Variants in CADPS observed in about 807,000 individuals in gnomAD.
CADPS encodes the protein calcium dependent secretion activator, also known as calcium-dependent secretion activator 1.
CADPS carries 57 observed loss-of-function variants against 167.3 expected under a neutral mutation model. That is an observed-to-expected ratio of 0.34 (90% CI 0.28 to 0.42). The LOEUF (loss-of-function observed/expected upper bound fraction) is 0.42, where lower values mean the gene tolerates loss of function less well. Ranked by LOEUF, CADPS falls within the 20% of genes least tolerant of loss-of-function variation. The pLI, the probability that CADPS is intolerant of heterozygous loss-of-function variation, is 1.00. For synonymous variants in CADPS, 676 were observed against 635.3 expected (o/e 1.06, Z -0.96); for missense variants, 1,414 against 1,738.1 (o/e 0.81, Z 3.32).
intron 16 of CADPS, chr3:62,513,608 C>G (rs747913447): frequency 7.2e-7 from 1 of 1,390,810 alleles, no homozygotes; most frequent in East Asian, 2.4e-5. Context: ...AGAGTGAAGA[C>G]AGCATGGTGA....
At chr3:62,437,929 G>T (rs1261023524) in intron 28 of CADPS, among the ~76,000 whole-genome samples, 175 bp downstream of exon 28, 1 of 152,172 alleles carries the variant, frequency 6.6e-6, no homozygotes, top group Non-Finnish European at 1.5e-5. Flanking sequence ...ACCAGAGTGG[G>T]TTCAGAACAG....
chr3:62,784,491 C>G (rs910718866), intron 1 of CADPS, among the ~76,000 whole-genome samples: 2 of 152,074 alleles, frequency 1.3e-5, no homozygotes, highest in Admixed American at 6.6e-5. Flanking sequence ...CAGATGTAGG[C>G]AATTGTCACT....
intron 21 of CADPS, among the ~76,000 whole-genome samples, chr3:62,485,135 A>T (rs547901514): frequency 6.7e-6 from 1 of 150,190 alleles, no homozygotes; most frequent in East Asian, 2.0e-4. Flanking sequence ...TATATATATA[A>T]AAAGAGTAAG....
intron 4 of CADPS, among the ~76,000 whole-genome samples, chr3:62,653,206 C>A (rs950506188): frequency 2.0e-5 from 3 of 152,048 alleles, no homozygotes; most frequent in Non-Finnish European, 1.5e-5. Flanking sequence ...GAAATCTAAC[C>A]CTCAATGTTA....
chr3:62,475,684 G>A (rs2061231185), intron 23 of CADPS, among the ~76,000 whole-genome samples: 1 of 150,198 alleles, frequency 6.7e-6, no homozygotes, highest in East Asian at 2.0e-4. Flanking sequence ...ATGTATCTTG[G>A]CTTCTGAAGA....
rs1360249101 is a variant in CADPS, at chr3:62,484,585, A to C, written c.3027-2716T>G. Among the ~76,000 whole-genome samples, 6 of 152,206 alleles carry C rather than the reference A, an allele frequency of 3.9e-5. No individual in the cohort carries two copies. The East Asian group carries it at 1.2e-3, about 29-fold the overall frequency. On this transcript the variant is annotated intron_variant, in intron 21 of 29. Transcript: ENST00000383710. The stretch of plus-strand genomic sequence containing the variant: ...CATTCATTTTGGGGACTCTTGAAAA[A>C]GAATAGCTTCCATTTAGGCCAAAGT...
intron 1 of CADPS, among the ~76,000 whole-genome samples, chr3:62,851,175 C>T (rs149909759): frequency 0.31 from 40,747 of 132,040 alleles, 7,449 homozygotes; most frequent in East Asian, 0.45. Context: ...TGTCTCTGCA[C>T]GTGAGATGGG....
intron 6 of CADPS, among the ~76,000 whole-genome samples, chr3:62,595,222 G>A (rs999975889): frequency 1.3e-5 from 2 of 152,102 alleles, no homozygotes; most frequent in African/African-American, 4.8e-5. Flanking sequence ...AACAGTCATA[G>A]TAGAGACAGA....
intron 3 of CADPS, among the ~76,000 whole-genome samples, chr3:62,676,617 T>C (rs2150931497): frequency 6.6e-6 from 1 of 152,288 alleles, no homozygotes; most frequent in South Asian, 2.1e-4. Flanking sequence ...GAGATTATTA[T>C]TGTCGGTGTT....
At chr3:62,763,702 G>C (rs1427961830) in intron 2 of CADPS, among the ~76,000 whole-genome samples, 1 of 152,116 alleles carries the variant, frequency 6.6e-6, no homozygotes, top group Non-Finnish European at 1.5e-5. Flanking sequence ...TGTTAACCCT[G>C]ATCTCCTGAT....
At chr3:62,441,039 C>T (rs2056222662) in intron 27 of CADPS, 1 of 152,106 alleles carries the variant, frequency 6.6e-6, no homozygotes, top group Non-Finnish European at 1.5e-5. Context: ...AGTAGATTTC[C>T]AATCAAAACA....
At chr3:62,659,271 C>T (rs189447707) in intron 4 of CADPS, among the ~76,000 whole-genome samples, 1 of 152,200 alleles carries the variant, frequency 6.6e-6, no homozygotes, top group Admixed American at 6.5e-5. Context: ...AGAAGATAAG[C>T]AGAGGTGATT....
intron 11 of CADPS, among the ~76,000 whole-genome samples, chr3:62,537,144 G>T (rs1245076061): frequency 4.6e-5 from 7 of 152,064 alleles, no homozygotes; most frequent in East Asian, 1.9e-4. Flanking sequence ...TAAAAAAAAC[G>T]ATTTTCATTG....
At chr3:62,577,519 C>G (rs914533873) in intron 8 of CADPS, among the ~76,000 whole-genome samples, 1 of 152,090 alleles carries the variant, frequency 6.6e-6, no homozygotes, top group Non-Finnish European at 1.5e-5. Flanking sequence ...GGTACCTCAG[C>G]TATCTTATAG....
chr3:62,445,715 A>T, intron 27 of CADPS, 50 bp downstream of exon 27: 1 of 1,324,024 alleles, frequency 7.6e-7, no homozygotes, highest in African/African-American at 1.5e-5. Context: ...TAAAAATGAA[A>T]AAAAAAAAAA....
chr3:62,442,905 A>G (rs2056592931), intron 27 of CADPS, among the ~76,000 whole-genome samples: 1 of 152,146 alleles, frequency 6.6e-6, no homozygotes, highest in East Asian at 1.9e-4. Flanking sequence ...CCATATATAA[A>G]CAATGTACAT....
intron 2 of CADPS, among the ~76,000 whole-genome samples, chr3:62,755,237 G>A (rs1303199311): frequency 6.6e-6 from 1 of 152,056 alleles, no homozygotes; most frequent in Non-Finnish European, 1.5e-5. Context: ...CCCCCCTGGT[G>A]GAAAATCCCT....
intron 3 of CADPS, among the ~76,000 whole-genome samples, chr3:62,735,555 T>C (rs2078830688): frequency 6.6e-6 from 1 of 152,180 alleles, no homozygotes; most frequent in Admixed American, 6.5e-5. Context: ...CCTGTGCTAG[T>C]ATCCATTTTA....
intron 3 of CADPS, among the ~76,000 whole-genome samples, chr3:62,687,801 G>A (rs1346118314): frequency 2.2e-5 from 3 of 139,034 alleles, no homozygotes; most frequent in Non-Finnish European, 4.6e-5. Flanking sequence ...TTATTATGCA[G>A]TCTTTTTCTA....
Sources: gnomAD v4.1 joint callset for allele counts (sites outside exome capture counted in the v4.1 genomes callset) on GRCh38, gnomAD v4.1.1 for gene constraint, MANE v1.5 for transcripts, NCBI Gene and HGNC (gene_info 2026-07-23, HGNC 2026-07-21) for gene names.